Variants in KLHL28 observed in about 807,000 individuals in gnomAD.
KLHL28 encodes kelch like family member 28.
In KLHL28, 22 loss-of-function variants were observed where a neutral mutation model predicts 48.3. That is an observed-to-expected ratio of 0.46 (90% CI 0.33 to 0.65). The LOEUF is 0.65. Ranked by LOEUF, KLHL28 falls within the 30% of genes least tolerant of loss-of-function variation. The pLI is 0.03. For missense variants in KLHL28, 527 were observed against 704.3 expected, an observed-to-expected ratio of 0.75 and a Z score of 2.85; for synonymous variants, 243 against 242.4, an observed-to-expected ratio of 1.00 and a Z score of -0.02.
chr14:44,944,153 G>A (rs961803702), intron 2 of KLHL28, among the ~76,000 whole-genome samples: 4 of 152,190 alleles, frequency 2.6e-5, no homozygotes, highest in South Asian at 2.1e-4. Flanking sequence ...AAGTTTTCAT[G>A]AAGCAATCCT....
chr14:44,929,086 C>T lies in KLHL28; in HGVS notation c.1658G>A (p.Trp553Ter), dbSNP rs1433074971. 6.2e-7 allele frequency: 1 copy of T among 1,613,804 alleles called. No individual in the cohort carries two copies. The highest frequency in any genetic ancestry group is 8.5e-7 in the Non-Finnish European group (1 of 1,179,898). Residue 553 changes from tryptophan (W) to a stop codon, truncating the protein, a stop_gained, in exon 5 of 5, where the codon TGG becomes TAG. Coordinates refer to ENST00000396128, the MANE Select transcript of KLHL28 (RefSeq NM_017658.5). LOFTEE classifies it high-confidence loss of function. ...GTATATCATGCCAGCTGAATCCAGC[C>T]ACGTATCTGAGATAGGATCATATTT... Reference protein sequence around the residue: ...VQKYDPISDTWLDSAGMIYCR... With the variant: ...VQKYDPISDT
intron 2 of KLHL28, among the ~76,000 whole-genome samples, chr14:44,940,762 T>C (rs1011761729): frequency 1.9e-4 from 29 of 152,222 alleles, no homozygotes; most frequent in Admixed American, 6.5e-5. Flanking sequence ...TTCTATTTCC[T>C]CTAAGATCTT....
At chr14:44,950,494 C>A (rs1022896410) in intron 1 of KLHL28, among the ~76,000 whole-genome samples, 5 of 152,144 alleles carry the variant, frequency 3.3e-5, no homozygotes, top group Admixed American at 2.0e-4. Context: ...ACATATGACA[C>A]GCAAAAATGA....
chr14:44,959,051 T>G (rs1312559914), intron 1 of KLHL28, among the ~76,000 whole-genome samples: 1 of 151,656 alleles, frequency 6.6e-6, no homozygotes, highest in Non-Finnish European at 1.5e-5. Flanking sequence ...AAAATATATA[T>G]AATCTTCAAC....
chr14:44,936,838 T>C (rs1427850482), intron 2 of KLHL28, among the ~76,000 whole-genome samples: 1 of 152,160 alleles, frequency 6.6e-6, no homozygotes, highest in Non-Finnish European at 1.5e-5. Flanking sequence ...AGATGGAAGA[T>C]AAGAACGTGT....
chr14:44,956,282 T>G (rs1884791216), intron 1 of KLHL28, among the ~76,000 whole-genome samples: 1 of 152,158 alleles, frequency 6.6e-6, no homozygotes, highest in African/African-American at 2.4e-5. Context: ...TTTAAAAGTA[T>G]CCCTGTTAAT....
chr14:44,937,016 G>C (rs1282726009), intron 2 of KLHL28, among the ~76,000 whole-genome samples: 1 of 152,066 alleles, frequency 6.6e-6, no homozygotes, highest in Non-Finnish European at 1.5e-5. Flanking sequence ...TGAATGTGTT[G>C]AAGTCACTGG....
At chr14:44,953,461 A>G (rs1007654366) in intron 1 of KLHL28, among the ~76,000 whole-genome samples, 2 of 152,246 alleles carry the variant, frequency 1.3e-5, no homozygotes, top group Admixed American at 6.5e-5. Flanking sequence ...GGATTGATCC[A>G]CTTATGGATT....
intron 1 of KLHL28, among the ~76,000 whole-genome samples, chr14:44,952,173 A>C (rs1346083622): frequency 6.6e-6 from 1 of 152,158 alleles, no homozygotes; most frequent in Non-Finnish European, 1.5e-5. Flanking sequence ...TTAAATCTTA[A>C]AATTTTTAAT....
At chr14:44,949,387 G>A (rs979145828) in intron 1 of KLHL28, among the ~76,000 whole-genome samples, 1 of 152,040 alleles carries the variant, frequency 6.6e-6, no homozygotes, top group Non-Finnish European at 1.5e-5. Context: ...CAGAAAAGTA[G>A]ACTTGATATT....
intron 2 of KLHL28, 71 bp from the exon 3 acceptor site, chr14:44,934,629 T>G (rs1883732400): frequency 1.7e-6 from 2 of 1,156,004 alleles, no homozygotes; most frequent in South Asian, 3.5e-5. Context: ...ATGTTTAATC[T>G]TATTAGTAAT....
chr14:44,933,067 T>C (rs1883652408), intron 3 of KLHL28, among the ~76,000 whole-genome samples: 1 of 152,210 alleles, frequency 6.6e-6, no homozygotes, highest in African/African-American at 2.4e-5. Flanking sequence ...TATCCTCTTG[T>C]ATACTTTAAA....
At chr14:44,931,654 A>C (rs1289577984) in intron 3 of KLHL28, 113 bp from the exon 4 acceptor site, 21 of 733,652 alleles carry the variant, frequency 2.9e-5, no homozygotes, top group Non-Finnish European at 4.6e-5. Flanking sequence ...AGAGATATTA[A>C]ACAAGAGTAG....
intron 2 of KLHL28, 132 bp from the exon 3 acceptor site, chr14:44,934,690 T>A: frequency 1.6e-6 from 1 of 633,276 alleles, no homozygotes; most frequent in Non-Finnish European, 2.6e-6. Flanking sequence ...CCTTCCAAAG[T>A]GGCAAAAAAT....
chr14:44,940,154 T>G (rs563909099), intron 2 of KLHL28, among the ~76,000 whole-genome samples: 41 of 152,300 alleles, frequency 2.7e-4, no homozygotes, highest in Middle Eastern at 6.8e-3. Flanking sequence ...ACTTATCTTA[T>G]TATCAGGAGC....
At chr14:44,944,111 C>A (rs1450787398) in intron 2 of KLHL28, among the ~76,000 whole-genome samples, 1 of 152,060 alleles carries the variant, frequency 6.6e-6, no homozygotes, top group Non-Finnish European at 1.5e-5. Context: ...GGTCAGAAAT[C>A]CACAGTATTA....
chr14:44,931,301 T>C (rs1359140598), intron 4 of KLHL28, 32 bp downstream of exon 4: 7 of 1,418,804 alleles, frequency 4.9e-6, no homozygotes, highest in Non-Finnish European at 6.9e-6. Flanking sequence ...AACATTGCCT[T>C]ACATGTTTAG....
intron 2 of KLHL28, among the ~76,000 whole-genome samples, chr14:44,939,389 G>A (rs1883976166): frequency 6.6e-6 from 1 of 152,106 alleles, no homozygotes; most frequent in Non-Finnish European, 1.5e-5. Flanking sequence ...CACATCCTTG[G>A]TTTACTTTCC....
chr14:44,945,454 A>G lies in KLHL28; in HGVS notation c.475T>C (p.Tyr159His). The change falls in exon 2 of 5, where the codon TAC (tyrosine) becomes CAC (histidine). Residue 159 changes from tyrosine to histidine, a missense_variant. Physicochemically the swap from Tyr to His is moderately conservative, Grantham distance 83. Coordinates refer to ENST00000396128, the MANE Select transcript of KLHL28 (RefSeq NM_017658.5). ...CRDLYLAATK[Y>H]ICQNFEAVCQ... ...ACAGCTTCAAAATTCTGGCATATGTATTTAGTGGCTGCCAAATAAAGGTCA... is the reference window on the plus strand; with the variant it reads ...ACAGCTTCAAAATTCTGGCATATGTGTTTAGTGGCTGCCAAATAAAGGTCA... 1.2e-6 allele frequency: 2 copies of G among 1,614,216 alleles called. 1 individual carries two copies. Among genetic ancestry groups the G allele is most frequent in the South Asian group, 2.2e-5 (2 of 91,088 alleles).
Sources: gnomAD v4.1 joint callset for allele counts (sites outside exome capture counted in the v4.1 genomes callset) on GRCh38, gnomAD v4.1.1 for gene constraint, MANE v1.5 for transcripts, NCBI Gene and HGNC (gene_info 2026-07-23, HGNC 2026-07-21) for gene names.